CALN1: variants seen among roughly 807,000 people sequenced by gnomAD.
CALN1 encodes the protein calneuron 1.
Under a neutral mutation model 30.6 loss-of-function variants are expected in CALN1, and 17 were observed. The ratio of observed to expected loss-of-function variants is 0.56; its 90% CI spans 0.38 to 0.83. The LOEUF (loss-of-function observed/expected upper bound fraction) is 0.83. Among genes scored for constraint, CALN1 ranks in the 40% least tolerant of loss-of-function variants. The pLI is 0.00. For missense variants in CALN1, 291 were observed against 354.9 expected, an observed-to-expected ratio of 0.82 and a Z score of 1.45; for synonymous variants, 156 against 131.4, an observed-to-expected ratio of 1.19 and a Z score of -1.28.
intron 5 of CALN1, among the ~76,000 whole-genome samples, chr7:71,882,970 C>T (rs1792675015): frequency 6.6e-6 from 1 of 152,030 alleles, no homozygotes; most frequent in Non-Finnish European, 1.5e-5. Context: ...CCACCTCCAC[C>T]TCCAAAGTTT....
chr7:72,343,182 G>A (rs892971174), intron 2 of CALN1, among the ~76,000 whole-genome samples: 19 of 152,178 alleles, frequency 1.2e-4, no homozygotes, highest in Non-Finnish European at 2.6e-4. Context: ...GAAACATGAA[G>A]GGGCACAGGA....
intron 3 of CALN1, among the ~76,000 whole-genome samples, chr7:72,252,608 CA>C (rs71069044): frequency 8.3e-4 from 114 of 137,304 alleles, no homozygotes; most frequent in Admixed American, 1.1e-3. Context: ...GACCCTGTCT[CA>C]AAAAAAAAAA....
intron 4 of CALN1, among the ~76,000 whole-genome samples, chr7:72,074,968 A>G (rs1260677658): frequency 6.6e-6 from 1 of 152,238 alleles, no homozygotes; most frequent in Non-Finnish European, 1.5e-5. Flanking sequence ...ATGGTATGAA[A>G]ACAAAGAATG....
chr7:72,143,010 C>A (rs1810070193), intron 3 of CALN1, among the ~76,000 whole-genome samples: 1 of 152,080 alleles, frequency 6.6e-6, no homozygotes, highest in South Asian at 2.1e-4. Flanking sequence ...GTAGATAAAA[C>A]CACAAAGATG....
At chr7:71,851,532 C>A (rs757621969) in intron 5 of CALN1, among the ~76,000 whole-genome samples, 13 of 151,268 alleles carry the variant, frequency 8.6e-5, no homozygotes, top group Non-Finnish European at 1.0e-4. Flanking sequence ...AAGAAAAAAA[C>A]AGTATATATA....
chr7:72,453,774 A>G, the CALN1 span, among the ~76,000 whole-genome samples: 1 of 152,208 alleles, frequency 6.6e-6, no homozygotes, highest in Admixed American at 6.5e-5. Context: ...CCCTAATCTG[A>G]ACAGCTGGGC....
chr7:72,285,091 T>G (rs1797995424), intron 2 of CALN1, among the ~76,000 whole-genome samples: 1 of 152,168 alleles, frequency 6.6e-6, no homozygotes, highest in African/African-American at 2.4e-5. Context: ...TTGTTGCTGG[T>G]CTGCAGTGAG....
Position 72,034,931 on chromosome 7 carries a change from G to T in CALN1, c.389-11162C>A, listed in dbSNP as rs895020075. ...TGCTACAATTTGGTTAAAAAAATGGGGAGGTCAAGGAGAATATATAGTCTG... is the reference window on the plus strand; with the variant it reads ...TGCTACAATTTGGTTAAAAAAATGGTGAGGTCAAGGAGAATATATAGTCTG... On this transcript the variant is annotated intron_variant, in intron 4 of 6. Transcript: ENST00000395275. Among the ~76,000 whole-genome samples the T allele has an allele frequency of 3.3e-5, 5 of 151,968 alleles. No individual in the cohort carries two copies. In the South Asian group the frequency reaches 1.0e-3, roughly 32 times the overall value.
rs570799663 is a variant in CALN1, at chr7:72,005,735, A to C, written c.501+17922T>G. 1.3e-4 allele frequency among the ~76,000 whole-genome samples: 20 copies of C among 152,180 alleles called. No individual in the cohort carries two copies. In the South Asian group the frequency reaches 2.3e-3, roughly 17 times the overall value. On this transcript the variant is annotated intron_variant, in intron 5 of 6. Transcript: ENST00000395275. ...ACATAGTATGTGACTCCATTTATAT[A>C]CAATTTTTGCAATGGCAAAATTTTA...
At chr7:72,461,143 G>A in the CALN1 span, among the ~76,000 whole-genome samples, 1 of 151,972 alleles carries the variant, frequency 6.6e-6, no homozygotes, top group Admixed American at 6.6e-5. Flanking sequence ...ACCCACGAAG[G>A]GTACAAAAGT....
At chr7:72,277,285 C>T (rs1352862599) in intron 3 of CALN1, among the ~76,000 whole-genome samples, 1 of 152,190 alleles carries the variant, frequency 6.6e-6, no homozygotes, top group Non-Finnish European at 1.5e-5. Context: ...AAGACACCAC[C>T]CAAGGGCAGC....
chr7:71,819,046 G>T (rs1346995495), intron 5 of CALN1, among the ~76,000 whole-genome samples: 1 of 151,784 alleles, frequency 6.6e-6, no homozygotes, highest in East Asian at 1.9e-4. Context: ...GTAAAGACAG[G>T]GTCTTGCTAT....
At chr7:72,381,345 C>A (rs1804888338) in intron 2 of CALN1, among the ~76,000 whole-genome samples, 1 of 152,046 alleles carries the variant, frequency 6.6e-6, no homozygotes, top group African/African-American at 2.4e-5. Flanking sequence ...GGTATATACC[C>A]AAAGGATTAC....
chr7:71,825,763 T>G (rs1788871379), intron 5 of CALN1, among the ~76,000 whole-genome samples: 1 of 152,086 alleles, frequency 6.6e-6, no homozygotes. Flanking sequence ...CTGGGCATGG[T>G]GGCTCATGTC....
chr7:71,878,014 G>A (rs1414235005), intron 5 of CALN1, among the ~76,000 whole-genome samples: 1 of 152,168 alleles, frequency 6.6e-6, no homozygotes, highest in Non-Finnish European at 1.5e-5. Context: ...AGTAAGTCTG[G>A]AGTGGAGCCC....
At chr7:72,382,873 C>T (rs1342292451) in intron 2 of CALN1, among the ~76,000 whole-genome samples, 5 of 152,172 alleles carry the variant, frequency 3.3e-5, no homozygotes, top group Non-Finnish European at 7.4e-5. Context: ...ACTGCAACCT[C>T]CACCTCCCGG....
rs1029030659 is a variant in CALN1 at position 71,931,277 on chromosome 7, T to C, written c.501+92380A>G. Among the ~76,000 whole-genome samples, 8 of 152,150 alleles carry C rather than the reference T, an allele frequency of 5.3e-5. No individual in the cohort carries two copies. The East Asian group carries it at 1.5e-3, about 29-fold the overall frequency. ...TCTGTGAAAACCATTCTCTTTTTTT[T>C]TTGTTTGAGATGGAGTCTCACTCTG... is the stretch of plus-strand genomic sequence containing the variant. On this transcript the variant is annotated intron_variant, in intron 5 of 6. Transcript: ENST00000395275.
At chr7:72,305,568 T>C (rs1179043838) in intron 2 of CALN1, among the ~76,000 whole-genome samples, 2 of 152,104 alleles carry the variant, frequency 1.3e-5, no homozygotes, top group Non-Finnish European at 2.9e-5. Context: ...TTTGAGAGAA[T>C]CCTGCTGGCT....
intron 2 of CALN1, among the ~76,000 whole-genome samples, chr7:72,344,847 T>C (rs865892606): frequency 3.5e-4 from 52 of 147,522 alleles, no homozygotes; most frequent in African/African-American, 1.2e-3. Flanking sequence ...AATATAAGTA[T>C]ATATAGCATA....
Sources: gnomAD v4.1 joint callset for allele counts (sites outside exome capture counted in the v4.1 genomes callset) on GRCh38, gnomAD v4.1.1 for gene constraint, MANE v1.5 for transcripts, NCBI Gene and HGNC (gene_info 2026-07-23, HGNC 2026-07-21) for gene names.